CIROZ: variants seen among roughly 807,000 people sequenced by gnomAD.
CIROZ encodes the protein ciliated left-right organizer protein containing ZP-N domains.
the CIROZ span, among the ~76,000 whole-genome samples, chr1:10,979,027 T>C: frequency 6.6e-6 from 1 of 152,096 alleles, no homozygotes; most frequent in Non-Finnish European, 1.5e-5. Context: ...TATCTCACTC[T>C]GTCACCCAGG....
At chr1:10,975,019 C>T in the CIROZ span, among the ~76,000 whole-genome samples, 1 of 152,198 alleles carries the variant, frequency 6.6e-6, no homozygotes, top group Non-Finnish European at 1.5e-5. Flanking sequence ...CGCCTGTCAT[C>T]CCAGCACTTT....
the CIROZ span, among the ~76,000 whole-genome samples, chr1:10,960,675 C>G: frequency 3.3e-5 from 5 of 152,362 alleles, no homozygotes; most frequent in East Asian, 5.8e-4. This position sits in a 1 kb window ranked among gnomAD's most constrained non-coding sequence, Gnocchi z 4.6. Flanking sequence ...CAGATCGCTG[C>G]GAGCAGGGCA....
At chr1:10,974,849 G>C in the CIROZ span, among the ~76,000 whole-genome samples, 2 of 152,130 alleles carry the variant, frequency 1.3e-5, no homozygotes, top group Non-Finnish European at 2.9e-5. This position sits in a 1 kb window ranked among gnomAD's most constrained non-coding sequence, Gnocchi z 4.4. Context: ...GGTCCTTCTG[G>C]TAAATTATCA....
At chr1:10,970,331 A>C in the CIROZ span, among the ~76,000 whole-genome samples, 4 of 152,062 alleles carry the variant, frequency 2.6e-5, no homozygotes, top group Admixed American at 2.0e-4. Flanking sequence ...GGAGGTCCTC[A>C]AATTCCAGCC....
chr1:10,960,505 C>T, the CIROZ span, among the ~76,000 whole-genome samples: 43 of 152,198 alleles, frequency 2.8e-4, no homozygotes, highest in Admixed American at 1.9e-3. The surrounding 1 kb of genome is among the most constrained non-coding windows in gnomAD (Gnocchi z 4.6). Flanking sequence ...TATTTAGGGC[C>T]CGTGGACATT....
the CIROZ span, among the ~76,000 whole-genome samples, chr1:10,961,120 C>T: frequency 2.0e-5 from 3 of 152,224 alleles, no homozygotes; most frequent in South Asian, 2.1e-4. Flanking sequence ...AGTGAGGAGT[C>T]GTTTCTGCTT....
At chr1:10,978,286 C>T in the CIROZ span, among the ~76,000 whole-genome samples, 67 of 151,302 alleles carry the variant, frequency 4.4e-4, no homozygotes, top group South Asian at 7.0e-3. Context: ...TAAGCTCAAG[C>T]GACCCACTCA....
chr1:10,948,156 A>G, the CIROZ span: 1 of 1,613,558 alleles, frequency 6.2e-7, no homozygotes, highest in Non-Finnish European at 8.5e-7. Context: ...CCTCGCTGGC[A>G]GGATGGAGAG....
chr1:10,976,100 C>T, the CIROZ span: 5 of 1,453,848 alleles, frequency 3.4e-6, no homozygotes, highest in South Asian at 2.4e-5. Flanking sequence ...TCTCAGTCTG[C>T]TCATTGGGGA....
At chr1:10,961,000 C>CCG in the CIROZ span, among the ~76,000 whole-genome samples, 10 of 139,188 alleles carry the variant, frequency 7.2e-5, no homozygotes, top group African/African-American at 2.3e-4. This position sits in a 1 kb window ranked among gnomAD's most constrained non-coding sequence, Gnocchi z 4.6. Flanking sequence ...GGATGCAGAG[C>CCG]CCCCCCCACC....
chr1:10,961,915 C>T, the CIROZ span, among the ~76,000 whole-genome samples: 1 of 152,192 alleles, frequency 6.6e-6, no homozygotes, highest in African/African-American at 2.4e-5. Context: ...CCGCTGTACG[C>T]CAGCCTAGGC....
At chr1:10,957,479 G>A in the CIROZ span, 73 of 1,345,924 alleles carry the variant, frequency 5.4e-5, 1 homozygote, top group Non-Finnish European at 6.9e-5. Context: ...CCCAATTTTC[G>A]AAGGCGCCTG....
At chr1:10,981,087 CTTTTT>C in the CIROZ span, among the ~76,000 whole-genome samples, 1 of 152,232 alleles carries the variant, frequency 6.6e-6, no homozygotes, top group Non-Finnish European at 1.5e-5. Flanking sequence ...CTCTCAGGAG[CTTTTT>C]AAAGTATCTC....
chr1:10,949,239 AG>A, the CIROZ span: 2 of 235,690 alleles, frequency 8.5e-6, no homozygotes, highest in South Asian at 9.7e-5. Context: ...AAAAAAAAAA[AG>A]AAGAGCTGGA....
the CIROZ span, among the ~76,000 whole-genome samples, chr1:10,975,578 G>T: frequency 6.8e-6 from 1 of 147,626 alleles, no homozygotes; most frequent in Non-Finnish European, 1.5e-5. Flanking sequence ...AACAAAGCGA[G>T]ACTCTGTCTC....
the CIROZ span, chr1:10,964,281 G>C: frequency 3.1e-6 from 5 of 1,603,820 alleles, no homozygotes; most frequent in Non-Finnish European, 4.3e-6. Context: ...TCTGGAAGTA[G>C]GGCAAAATTC....
chr1:10,957,710 A>G, the CIROZ span: 1 of 1,614,144 alleles, frequency 6.2e-7, no homozygotes. Flanking sequence ...GGCGTCTTCA[A>G]GAGAAGCCAC....
the CIROZ span, chr1:10,966,619 A>G: frequency 9.9e-7 from 1 of 1,012,296 alleles, no homozygotes; most frequent in African/African-American, 1.6e-5. Context: ...AAATAGCAGT[A>G]ATTTTTAAAA....
chr1:10,966,566 T>C, the CIROZ span: 9 of 1,380,386 alleles, frequency 6.5e-6, no homozygotes, highest in Middle Eastern at 4.6e-4. Flanking sequence ...GACTCGCAGA[T>C]AGAAACTGCT....
Sources: gnomAD v4.1 joint callset for allele counts (sites outside exome capture counted in the v4.1 genomes callset) on GRCh38, gnomAD v4.1.1 for gene constraint, Gnocchi (gnomAD v3.1) non-coding constraint, MANE v1.5 for transcripts, NCBI Gene and HGNC (gene_info 2026-07-23, HGNC 2026-07-21) for gene names.